GFOD2: variants seen among roughly 807,000 people sequenced by gnomAD.
GFOD2 encodes the protein Gfo/Idh/MocA-like oxidoreductase domain containing 2.
GFOD2 carries 9 observed loss-of-function variants against 24.6 expected under a neutral mutation model. The observed-to-expected ratio is 0.37, with a 90% CI of 0.22 to 0.64. GFOD2 has a LOEUF of 0.64. GFOD2 is among the 30% of genes least tolerant of loss of function. GFOD2 has a pLI of 0.65. For missense variants in GFOD2, 476 were observed against 532.5 expected, an observed-to-expected ratio of 0.89 and a Z score of 1.04; for synonymous variants, 211 against 224.8, an observed-to-expected ratio of 0.94 and a Z score of 0.55.
At chr16:67,686,577 C>G (rs1339760781) in intron 1 of GFOD2, among the ~76,000 whole-genome samples, 1 of 152,078 alleles carries the variant, frequency 6.6e-6, no homozygotes, top group African/African-American at 2.4e-5. Flanking sequence ...CACCTGTAAT[C>G]CCAGCACTTT....
chr16:67,683,499 A>G, intron 2 of GFOD2: 2 of 1,231,746 alleles, frequency 1.6e-6, no homozygotes, highest in Non-Finnish European at 2.0e-6. Context: ...TCTGAATTCA[A>G]TCTGGGAGCC....
intron 1 of GFOD2, among the ~76,000 whole-genome samples, chr16:67,717,910 T>G (rs1300292989): frequency 6.6e-6 from 1 of 152,176 alleles, no homozygotes; most frequent in East Asian, 1.9e-4. Flanking sequence ...ATCTGTGAAA[T>G]AAGGATTCGA....
intron 1 of GFOD2, among the ~76,000 whole-genome samples, chr16:67,687,147 CAA>C (rs555830977): frequency 1.2e-4 from 6 of 49,720 alleles, no homozygotes; most frequent in Admixed American, 4.3e-4. Context: ...GACTCCGTCA[CAA>C]AAAAAAAAAA....
chr16:67,706,112 G>T (rs970666950), intron 1 of GFOD2, among the ~76,000 whole-genome samples: 2 of 151,572 alleles, frequency 1.3e-5, no homozygotes, highest in Non-Finnish European at 2.9e-5. Context: ...GAGTAGCTGG[G>T]ATTACAGACG....
intron 1 of GFOD2, among the ~76,000 whole-genome samples, chr16:67,715,642 A>G (rs1426035949): frequency 6.6e-6 from 1 of 152,160 alleles, no homozygotes; most frequent in Non-Finnish European, 1.5e-5. Context: ...TCCAAATTTC[A>G]GTTTGCTTTT....
chr16:67,709,779 T>C (rs2053460906), intron 1 of GFOD2, among the ~76,000 whole-genome samples: 1 of 151,962 alleles, frequency 6.6e-6, no homozygotes, highest in Non-Finnish European at 1.5e-5. Flanking sequence ...CACACCCAGC[T>C]ATTTTTTTTG....
chr16:67,687,370 G>C (rs551163691), intron 1 of GFOD2, among the ~76,000 whole-genome samples: 1 of 152,100 alleles, frequency 6.6e-6, no homozygotes, highest in East Asian at 1.9e-4. Context: ...GCCGGGTGCG[G>C]TGGCTCATGC....
intron 1 of GFOD2, among the ~76,000 whole-genome samples, chr16:67,715,644 T>A (rs1428174170): frequency 1.3e-5 from 2 of 152,198 alleles, no homozygotes; most frequent in Non-Finnish European, 2.9e-5. Flanking sequence ...CAAATTTCAG[T>A]TTGCTTTTAA....
Position 67,675,816 on chromosome 16 carries a change from C to A in GFOD2, c.497G>T (p.Cys166Phe), listed in dbSNP as rs945186868. The A allele has an allele frequency of 5.6e-6, 9 of 1,614,084 alleles. No homozygotes were observed. The Admixed American group carries it at 1.5e-4, about 27-fold the overall frequency. Residue 166 changes from cysteine (C) to phenylalanine (F), a missense_variant, in exon 3 of 3, where the codon TGT becomes TTT. Physicochemically the swap from Cys to Phe is radical, Grantham distance 205. Coordinates refer to ENST00000268797, the MANE Select transcript of GFOD2 (RefSeq NM_030819.4). ...SLLSPSYGWI[C>F]DELMGGGGLH... is the part of the protein sequence containing the mutation. ...GCCCCCGCCGCCCATGAGCTCATCA[C>A]AGATCCAGCCATAGCTGGGGCTCAG...
chr16:67,700,890 A>G (rs980719428), intron 1 of GFOD2, among the ~76,000 whole-genome samples: 100 of 150,942 alleles, frequency 6.6e-4, no homozygotes, highest in African/African-American at 2.4e-3. Context: ...AAAAAAAATT[A>G]GCCAGGCATG....
intron 2 of GFOD2, chr16:67,681,345 A>T (rs2053223840): frequency 1.0e-6 from 1 of 985,288 alleles, no homozygotes; most frequent in Non-Finnish European, 1.2e-6. Context: ...TGATAAAACT[A>T]GGATAAGGAA....
intron 1 of GFOD2, among the ~76,000 whole-genome samples, chr16:67,715,488 G>A (rs2053500287): frequency 6.6e-6 from 1 of 152,210 alleles, no homozygotes; most frequent in Non-Finnish European, 1.5e-5. Context: ...GTGTTAGAGT[G>A]TAGGGAATTC....
chr16:67,676,207 A>T, intron 2 of GFOD2, 154 bp from the exon 3 acceptor site: 1 of 709,630 alleles, frequency 1.4e-6, no homozygotes, highest in South Asian at 1.9e-5. Flanking sequence ...TATGCTGCCC[A>T]GGCTAGTCTC....
At chr16:67,694,652 G>T (rs1254254243) in intron 1 of GFOD2, among the ~76,000 whole-genome samples, 2 of 152,036 alleles carry the variant, frequency 1.3e-5, no homozygotes, top group Admixed American at 1.3e-4. Context: ...TGCTCCTACT[G>T]TAGACACAAG....
Position 67,675,770 on chromosome 16 carries a change from G to A in GFOD2, c.543C>T (p.Tyr181=). The A allele has an allele frequency of 6.2e-7, 1 of 1,614,150 alleles. No individual in the cohort carries two copies. The highest frequency in any genetic ancestry group is 8.5e-7 in the Non-Finnish European group (1 of 1,180,048). ...GGGGLHTMGT[Y]IVDLLTHLTG... ...TCAGGTGGGTCAGCAGGTCCACAAT[G>A]TAGGTCCCCATGGTGTGCAAGCCCC... The change falls in exon 3 of 3, where the codon TAC becomes TAT. Residue 181 remains tyrosine, a synonymous_variant. Coordinates refer to ENST00000268797, the MANE Select transcript of GFOD2 (RefSeq NM_030819.4).
chr16:67,702,929 C>T (rs1173231528), intron 1 of GFOD2, among the ~76,000 whole-genome samples: 1 of 152,076 alleles, frequency 6.6e-6, no homozygotes, highest in Non-Finnish European at 1.5e-5. Flanking sequence ...AAAAGAATCA[C>T]CCACCTCACT....
rs1320573838 is a variant in GFOD2, at chr16:67,704,729, CAG to C, written c.-88+14432_-88+14433del. Among the ~76,000 whole-genome samples, 4 of 152,346 alleles carry C rather than the reference CAG, an allele frequency of 2.6e-5. No homozygotes were observed. The East Asian group carries it at 7.7e-4, about 29-fold the overall frequency. On this transcript the variant is annotated intron_variant, in intron 1 of 2. Transcript: ENST00000268797. Reference sequence around the variant, plus strand: ...ACCAGATGTGTATAGGCACCTGACGCAGAGTTAGGCCTTAATAAATGTTAGAT... The same window carrying C: ...ACCAGATGTGTATAGGCACCTGACGCAGTTAGGCCTTAATAAATGTTAGAT...
intron 2 of GFOD2, chr16:67,683,111 C>T: frequency 1.5e-6 from 1 of 684,154 alleles, no homozygotes; most frequent in Non-Finnish European, 1.8e-6. Flanking sequence ...CAGTCGCGTG[C>T]CACCATGCCT....
At chr16:67,683,249 A>G in intron 2 of GFOD2, 2 of 1,109,266 alleles carry the variant, frequency 1.8e-6, no homozygotes, top group Non-Finnish European at 2.2e-6. Flanking sequence ...AAAAAAAGCA[A>G]GCTTGTTGCC....
Sources: allele counts gnomAD v4.1 joint callset (sites outside exome capture counted in the v4.1 genomes callset), GRCh38; gene constraint gnomAD v4.1.1; transcripts MANE v1.5; gene names NCBI Gene and HGNC (gene_info 2026-07-23, HGNC 2026-07-21).